CCDC39: variants seen among roughly 807,000 people sequenced by gnomAD.
CCDC39 encodes coiled-coil domain-containing protein 39.
Under a neutral mutation model 121.0 loss-of-function variants are expected in CCDC39, and 113 were observed. The ratio of observed to expected loss-of-function variants is 0.93; its 90% confidence interval spans 0.80 to 1.09. CCDC39 has a LOEUF of 1.09. Among genes scored for constraint, CCDC39 ranks in the 50% least tolerant of loss-of-function variants. The probability of loss-of-function intolerance (pLI) is 0.00; values close to 1 mark genes in which losing one functional copy is unlikely to be tolerated. For missense variants in CCDC39, 1,063 were observed against 1,074.7 expected, an observed-to-expected ratio of 0.99 and a Z score of 0.15; for synonymous variants, 349 against 352.2, an observed-to-expected ratio of 0.99 and a Z score of 0.10.
At chr3:180,618,233 G>A (rs1309537561) in intron 16 of CCDC39, among the ~76,000 whole-genome samples, 2 of 152,116 alleles carry the variant, frequency 1.3e-5, no homozygotes, top group African/African-American at 4.8e-5. Flanking sequence ...TCCAATGCAT[G>A]ACTGTATAAT....
At chr3:180,620,979 C>T (rs868622503) in intron 14 of CCDC39, among the ~76,000 whole-genome samples, 3 of 152,012 alleles carry the variant, frequency 2.0e-5, no homozygotes, top group African/African-American at 2.4e-5. Flanking sequence ...CATGTGTACG[C>T]GTTATTTAGC....
At chr3:180,667,799 C>T (rs1016206582) in intron 1 of CCDC39, among the ~76,000 whole-genome samples, 2 of 152,136 alleles carry the variant, frequency 1.3e-5, no homozygotes, top group African/African-American at 2.4e-5. Flanking sequence ...AACTCAGCCT[C>T]TTGCACCAAA....
intron 7 of CCDC39, 103 bp downstream of exon 7, chr3:180,654,659 A>G: frequency 1.4e-6 from 1 of 717,994 alleles, no homozygotes; most frequent in Admixed American, 4.0e-5. Context: ...AAAAAAAAAA[A>G]CTAGAAGTAG....
intron 2 of CCDC39, among the ~76,000 whole-genome samples, chr3:180,662,443 C>T (rs1711763738): frequency 6.6e-6 from 1 of 151,994 alleles, no homozygotes; most frequent in South Asian, 2.1e-4. Flanking sequence ...TGTGAATATT[C>T]TCTAGAATAT....
intron 14 of CCDC39, among the ~76,000 whole-genome samples, chr3:180,620,420 T>A (rs1220547450): frequency 6.6e-6 from 1 of 151,990 alleles, no homozygotes; most frequent in East Asian, 1.9e-4. Context: ...ATTTTAAAAA[T>A]AATTTTTTTA....
Position 180,616,977 on chromosome 3 carries a change from A to C in CCDC39, c.2266-11T>G. On this transcript the variant is annotated splice_polypyrimidine_tract_variant and intron_variant, in intron 16 of 19. Transcript: ENST00000476379. ...TGTATTTTCCATGCTCTGTAGAAAA[A>C]ATATTAACATGTATTTTTTAGAATC... 8.0e-7 allele frequency: 1 copy of C among 1,244,770 alleles called. No homozygotes were observed. The allele number at this position is 1,244,770 out of a possible 1,614,324, so 77.1% of individuals were successfully genotyped here.
intron 6 of CCDC39, among the ~76,000 whole-genome samples, chr3:180,657,257 C>A (rs1711604968): frequency 6.6e-6 from 1 of 152,146 alleles, no homozygotes; most frequent in Non-Finnish European, 1.5e-5. Context: ...CCTAACGGAA[C>A]CACCTCTTAG....
Position 180,664,373 on chromosome 3 carries a change from A to C in CCDC39, c.91-387T>G, listed in dbSNP as rs137923146. Among the ~76,000 whole-genome samples the C allele has an allele frequency of 1.2e-4, 18 of 152,308 alleles. No individual in the cohort carries two copies. In the East Asian group the frequency reaches 3.5e-3, roughly 29 times the overall value. On this transcript the variant is annotated intron_variant, in intron 1 of 19. Coordinates refer to ENST00000476379, the MANE Select transcript of CCDC39 (RefSeq NM_181426.2). ...ACCTCTATGACCTGTTTACTTCTCA[A>C]AGGCTTCACCTCGAAATACCATCAC...
intron 1 of CCDC39, among the ~76,000 whole-genome samples, chr3:180,667,522 A>G (rs887499974): frequency 1.3e-5 from 2 of 152,118 alleles, no homozygotes; most frequent in Non-Finnish European, 2.9e-5. Flanking sequence ...GTTATCAGTG[A>G]TCAGTGAGCG....
At chr3:180,664,863 A>AT (rs11309193) in intron 1 of CCDC39, among the ~76,000 whole-genome samples, 34 of 143,656 alleles carry the variant, frequency 2.4e-4, no homozygotes, top group Admixed American at 5.6e-4. Context: ...CACCTGGCTA[A>AT]TTTTTTTTTT....
At chr3:180,636,070 C>A (rs922122441) in intron 13 of CCDC39, among the ~76,000 whole-genome samples, 5 of 152,172 alleles carry the variant, frequency 3.3e-5, no homozygotes, top group Non-Finnish European at 7.3e-5. Flanking sequence ...TCTCTCGTCA[C>A]TCTTAGTCAA....
At chr3:180,625,719 CTT>C (rs1373649893) in intron 14 of CCDC39, among the ~76,000 whole-genome samples, 1 of 151,758 alleles carries the variant, frequency 6.6e-6, no homozygotes, top group Non-Finnish European at 1.5e-5. Context: ...GTAGTGTGGT[CTT>C]TGTATGATTT....
chr3:180,633,368 C>G (rs1717745212), intron 13 of CCDC39, among the ~76,000 whole-genome samples: 1 of 152,154 alleles, frequency 6.6e-6, no homozygotes, highest in Non-Finnish European at 1.5e-5. Flanking sequence ...GTTCAGTCTT[C>G]TAATTAGTAC....
At chr3:180,622,512 G>C (rs889938510) in intron 14 of CCDC39, among the ~76,000 whole-genome samples, 3 of 152,048 alleles carry the variant, frequency 2.0e-5, no homozygotes, top group Admixed American at 1.3e-4. Context: ...AATGCCTTCA[G>C]CTCTTTCCCC....
intron 14 of CCDC39, among the ~76,000 whole-genome samples, chr3:180,630,318 AGACT>A (rs1717664042): frequency 6.6e-6 from 1 of 152,178 alleles, no homozygotes; most frequent in Non-Finnish European, 1.5e-5. Flanking sequence ...GAGGTATTAC[AGACT>A]GACAAGTTAT....
At chr3:180,637,092 AACTGAAGAG>A (rs1419857780) in intron 13 of CCDC39, among the ~76,000 whole-genome samples, 1 of 152,216 alleles carries the variant, frequency 6.6e-6, no homozygotes, top group African/African-American at 2.4e-5. Context: ...ATCTAATTAA[AACTGAAGAG>A]CTTCTGCACG....
chr3:180,667,534 C>T (rs556743815), intron 1 of CCDC39, among the ~76,000 whole-genome samples: 2 of 152,156 alleles, frequency 1.3e-5, no homozygotes, highest in African/African-American at 4.8e-5. Context: ...CAGTGAGCGT[C>T]GATGTTACTA....
chr3:180,620,563 G>A (rs539524145), intron 14 of CCDC39, among the ~76,000 whole-genome samples: 12 of 151,858 alleles, frequency 7.9e-5, no homozygotes, highest in African/African-American at 2.7e-4. Context: ...TGGGCTAAGC[G>A]GTTCTCTAGA....
intron 10 of CCDC39, among the ~76,000 whole-genome samples, chr3:180,647,877 CCTT>C (rs1195583415): frequency 6.6e-6 from 1 of 151,704 alleles, no homozygotes; most frequent in East Asian, 1.9e-4. Context: ...ATATCTCGTG[CCTT>C]CTTCTGTTTT....
Sources: allele counts gnomAD v4.1 joint callset (sites outside exome capture counted in the v4.1 genomes callset), GRCh38; gene constraint gnomAD v4.1.1; transcripts MANE v1.5; gene names NCBI Gene and HGNC (gene_info 2026-07-23, HGNC 2026-07-21).